The following SPATA16 variants were observed in gnomAD, a reference collection of about 807,000 sequenced individuals.
SPATA16 encodes spermatogenesis associated 16, also known as spermatogenesis-associated protein 16.
Under a neutral mutation model 63.3 loss-of-function variants are expected in SPATA16, and 36 were observed. The observed-to-expected ratio is 0.57, with a 90% CI of 0.44 to 0.75. SPATA16 has a LOEUF of 0.75. SPATA16 is among the 30% of genes least tolerant of loss of function. SPATA16 has a pLI of 0.00. For missense variants in SPATA16, 646 were observed against 679.3 expected (o/e 0.95, Z 0.54); for synonymous variants, 203 against 216.7 (o/e 0.94, Z 0.56).
rs186977371 is a variant in SPATA16 at position 173,067,422 on chromosome 3, T to C, written c.613-18328A>G. Among the ~76,000 whole-genome samples, 1,447 of 150,698 alleles carry C rather than the reference T, an allele frequency of 9.6e-3. 10 individuals are homozygous for C. The highest frequency in any genetic ancestry group is 0.016 in the Non-Finnish European group (1,057 of 67,978). ...CACATGGACACAATAAAGGGGACAA[T>C]AGAAACTAGGGCCTACTTGAAGATG... On this transcript the variant is annotated intron_variant, in intron 2 of 10. Coordinates refer to ENST00000351008, the MANE Select transcript of SPATA16 (RefSeq NM_031955.6).
At chr3:172,972,078 C>A (rs1734059331) in intron 5 of SPATA16, among the ~76,000 whole-genome samples, 2 of 152,238 alleles carry the variant, frequency 1.3e-5, no homozygotes, top group African/African-American at 2.4e-5. Flanking sequence ...CTAATCACAC[C>A]AAAGAGATAT....
Position 173,117,479 on chromosome 3 carries a change from T to G in SPATA16, c.253A>C (p.Lys85Gln), listed in dbSNP as rs1737936453. The change falls in exon 2 of 11, where the codon AAG becomes CAG. Residue 85 changes from lysine to glutamine, a missense_variant. Coordinates refer to ENST00000351008, the MANE Select transcript of SPATA16 (RefSeq NM_031955.6). ...GTTGGCTTTTCTTCACCTTCTGCCT[T>G]CCGTTTAAAGGCTGCTTTCTCTAAA... ...NDLEKAAFKR[K>Q]AEGEEKPTRK... is the part of the protein sequence containing the mutation. 1 of 1,614,078 alleles carries G rather than the reference T, an allele frequency of 6.2e-7. No individual in the cohort carries two copies. Among genetic ancestry groups the G allele is most frequent in the Admixed American group, 1.7e-5 (1 of 60,004 alleles).
intron 3 of SPATA16, among the ~76,000 whole-genome samples, chr3:173,030,401 G>A (rs551100432): frequency 6.6e-6 from 1 of 151,980 alleles, no homozygotes; most frequent in African/African-American, 2.4e-5. Context: ...AGACAACCCT[G>A]TTAAAAATGG....
chr3:172,907,310 C>G (rs1732263734), intron 10 of SPATA16, among the ~76,000 whole-genome samples: 1 of 152,144 alleles, frequency 6.6e-6, no homozygotes, highest in Non-Finnish European at 1.5e-5. Flanking sequence ...CTGAATAGAT[C>G]ACTTCTCACC....
At chr3:173,001,184 T>G (rs1336519564) in intron 4 of SPATA16, among the ~76,000 whole-genome samples, 1 of 151,764 alleles carries the variant, frequency 6.6e-6, no homozygotes, top group African/African-American at 2.4e-5. Context: ...GGTGTGGGGG[T>G]AGGGGAATTG....
intron 3 of SPATA16, among the ~76,000 whole-genome samples, chr3:173,030,099 TATCTACCC>T (rs1239869226): frequency 1.2e-3 from 154 of 133,742 alleles, no homozygotes; most frequent in African/African-American, 4.2e-3. Context: ...TCTATCTATC[TATCTACCC>T]ACCCACCTAC....
chr3:173,105,095 T>G (rs1737587179), intron 2 of SPATA16, among the ~76,000 whole-genome samples: 1 of 152,234 alleles, frequency 6.6e-6, no homozygotes. Flanking sequence ...TGGTCTATTC[T>G]TTTAACATGA....
chr3:173,117,636 G>C lies in SPATA16; in HGVS notation c.96C>G (p.Ser32=). The part of the protein sequence containing the change: ...VPKINTSKKM[S]TLAHPPNILE... ...GGATGTTAGGTGGGTGCGCTAAGGT[G>C]GACATTTTCTTGCTTGTGTTTATCT... Residue 32 remains serine, a synonymous_variant, in exon 2 of 11, where the codon TCC becomes TCG. Transcript: ENST00000351008. 1.2e-6 allele frequency: 2 copies of C among 1,614,018 alleles called. No individual in the cohort carries two copies. Among genetic ancestry groups the C allele is most frequent in the Middle Eastern group, 1.6e-4 (1 of 6,062 alleles).
chr3:173,079,819 T>A (rs768779030), intron 2 of SPATA16, among the ~76,000 whole-genome samples: 3 of 151,940 alleles, frequency 2.0e-5, no homozygotes, highest in Non-Finnish European at 4.4e-5. Flanking sequence ...ATAAATTTCC[T>A]GAGCAAACTT....
intron 2 of SPATA16, among the ~76,000 whole-genome samples, chr3:173,107,807 T>A (rs1046380254): frequency 9.2e-5 from 14 of 152,140 alleles, no homozygotes; most frequent in African/African-American, 3.4e-4. Flanking sequence ...TGTTTTTAAG[T>A]CTATTTGGTT....
intron 1 of SPATA16, among the ~76,000 whole-genome samples, chr3:173,132,933 T>A (rs1738424479): frequency 6.6e-6 from 1 of 151,988 alleles, no homozygotes; most frequent in Non-Finnish European, 1.5e-5. Context: ...ACCAAGATGG[T>A]CTCACAGGAA....
chr3:173,114,450 A>G (rs1428866889), intron 2 of SPATA16, among the ~76,000 whole-genome samples: 1 of 152,024 alleles, frequency 6.6e-6, no homozygotes, highest in Non-Finnish European at 1.5e-5. Flanking sequence ...CCTTTTTCTC[A>G]TTTTTGGCTG....
At chr3:172,925,550 GT>G in intron 6 of SPATA16, 58 bp from the exon 7 acceptor site, 4 of 1,607,968 alleles carry the variant, frequency 2.5e-6, no homozygotes, top group Non-Finnish European at 3.4e-6. Flanking sequence ...TATTTTTAGG[GT>G]TTTCCCCCCC....
At chr3:172,919,665 A>T (rs1049767064) in intron 8 of SPATA16, among the ~76,000 whole-genome samples, 8 of 151,958 alleles carry the variant, frequency 5.3e-5, no homozygotes, top group Middle Eastern at 3.4e-3. Flanking sequence ...TGTTCATTTT[A>T]ATTTTTTTTA....
intron 6 of SPATA16, among the ~76,000 whole-genome samples, chr3:172,943,862 A>C (rs976701253): frequency 7.2e-5 from 11 of 152,348 alleles, no homozygotes; most frequent in Non-Finnish European, 1.6e-4. Flanking sequence ...CAATAAATCA[A>C]TAATAAAACT....
In SPATA16 at chr3:172,889,513, G is replaced by A. The variant is rs1731850001; in HGVS notation, c.*57C>T. On this transcript the variant is annotated 3_prime_UTR_variant, in exon 11 of 11. Coordinates refer to ENST00000351008, the MANE Select transcript of SPATA16 (RefSeq NM_031955.6). ...CACAGTACTAGGTGGGCATTGGAGT[G>A]GATGCCCTTGCCTCTTCTTCTGGGA... The A allele has an allele frequency of 1.2e-6, 2 of 1,608,858 alleles. No homozygotes were observed. The highest frequency in any genetic ancestry group is 2.2e-5 in the South Asian group (2 of 90,914).
At chr3:173,059,811 T>C (rs1025224443) in intron 2 of SPATA16, among the ~76,000 whole-genome samples, 6 of 147,612 alleles carry the variant, frequency 4.1e-5, no homozygotes, top group Non-Finnish European at 6.0e-5. Context: ...TCTGGATAAA[T>C]GTCTCTATCC....
chr3:172,966,316 G>C (rs1733919340), intron 5 of SPATA16, among the ~76,000 whole-genome samples: 1 of 152,160 alleles, frequency 6.6e-6, no homozygotes, highest in African/African-American at 2.4e-5. Context: ...ACCTCCACCT[G>C]ATGAAGAATA....
chr3:173,105,803 TCCTC>T, intron 2 of SPATA16, among the ~76,000 whole-genome samples: 2 of 23,048 alleles, frequency 8.7e-5, no homozygotes, highest in Non-Finnish European at 1.5e-4. Context: ...CTCTCTCCCT[TCCTC>T]CCTTCCTTCC....
Sources: gnomAD v4.1 joint callset for allele counts (sites outside exome capture counted in the v4.1 genomes callset) on GRCh38, gnomAD v4.1.1 for gene constraint, MANE v1.5 for transcripts, NCBI Gene and HGNC (gene_info 2026-07-23, HGNC 2026-07-21) for gene names.